Variants in DPF3 observed in about 807,000 individuals in gnomAD.
The protein encoded by DPF3 is double PHD fingers 3.
DPF3 carries 18 observed loss-of-function variants against 56.8 expected under a neutral mutation model. The observed-to-expected ratio is 0.32, with a 90% CI of 0.22 to 0.47. DPF3 has a LOEUF of 0.47. Ranked by LOEUF, DPF3 falls within the 20% of genes least tolerant of loss-of-function variation. The pLI is 1.00. For synonymous variants in DPF3, 188 were observed against 180.2 expected (o/e 1.04, Z -0.35); for missense variants, 403 against 488.8 (o/e 0.82, Z 1.65).
intron 1 of DPF3, among the ~76,000 whole-genome samples, chr14:72,824,522 A>G (rs1883696756): frequency 6.7e-6 from 1 of 149,394 alleles, no homozygotes; most frequent in African/African-American, 2.5e-5. Flanking sequence ...AGTTGCTTGT[A>G]TCTCTTTTTC....
chr14:72,764,192 C>G (rs1353877788), intron 2 of DPF3, among the ~76,000 whole-genome samples: 1 of 152,162 alleles, frequency 6.6e-6, no homozygotes, highest in Non-Finnish European at 1.5e-5. Flanking sequence ...CCTCTGACCT[C>G]CAGGAAGAAA....
chr14:72,829,371 C>G (rs1014231494), intron 1 of DPF3, among the ~76,000 whole-genome samples: 1 of 152,160 alleles, frequency 6.6e-6, no homozygotes, highest in Non-Finnish European at 1.5e-5. Flanking sequence ...TATTTGCCTT[C>G]TTTAATCCCT....
chr14:72,624,815 T>C (rs1884724043), intron 9 of DPF3, among the ~76,000 whole-genome samples: 1 of 152,262 alleles, frequency 6.6e-6, no homozygotes, highest in African/African-American at 2.4e-5. Flanking sequence ...CAATTTCAGT[T>C]GGATCTTTTC....
intron 9 of DPF3, among the ~76,000 whole-genome samples, chr14:72,625,837 G>A (rs1472368345): frequency 6.6e-6 from 1 of 151,922 alleles, no homozygotes; most frequent in Admixed American, 6.6e-5. Context: ...CCTTTATTTG[G>A]TTATTCTTTT....
rs201332544 is a variant in DPF3, at chr14:72,894,044, T to C, written c.32+13A>G. Reference sequence around the variant, plus strand: ...AACCACGCGGAATATGTACATTTTTTAGTCTTACTTACGCTTTCAGGGGGT... The same window carrying C: ...AACCACGCGGAATATGTACATTTTTCAGTCTTACTTACGCTTTCAGGGGGT... On this transcript the variant is annotated intron_variant, in intron 1 of 10. Coordinates refer to ENST00000556509, the MANE Select transcript of DPF3 (RefSeq NM_001280542.3). 686 of 1,610,430 alleles carry C rather than the reference T, an allele frequency of 4.3e-4. 4 individuals carry two copies. Among genetic ancestry groups the C allele is most frequent in the African/African-American group, 1.8e-3 (135 of 74,852 alleles).
intron 7 of DPF3, among the ~76,000 whole-genome samples, chr14:72,674,888 C>A (rs563815510): frequency 3.0e-4 from 46 of 152,368 alleles, no homozygotes. Context: ...AGGAATAACA[C>A]CAAAGATGCT....
intron 2 of DPF3, among the ~76,000 whole-genome samples, chr14:72,771,289 T>A (rs1369811940): frequency 1.3e-5 from 2 of 152,210 alleles, no homozygotes; most frequent in African/African-American, 4.8e-5. Flanking sequence ...CGAAATCTTA[T>A]GTGGTAAGTA....
intron 4 of DPF3, among the ~76,000 whole-genome samples, chr14:72,728,936 C>T (rs147227762): frequency 3.3e-5 from 5 of 152,182 alleles, no homozygotes; most frequent in East Asian, 1.9e-4. Context: ...AAGTACGGCA[C>T]GGTCAGGGAC....
At position 72,617,551 on chromosome 14, in the gene DPF3, A is replaced by G. The variant is rs1276159644; in HGVS notation, c.*1746T>C. Among the ~76,000 whole-genome samples, 1 of 152,160 alleles carries G rather than the reference A, an allele frequency of 6.6e-6. No homozygotes were observed. Among genetic ancestry groups the G allele is most frequent in the Non-Finnish European group, 1.5e-5 (1 of 68,026 alleles). On this transcript the variant is annotated 3_prime_UTR_variant, in exon 11 of 11. Transcript: ENST00000556509. ...GGCCCTTTAAATGAGACCATTATGT[A>G]TGTGTGTGATTCCCTCTGAGGCCAC...
intron 1 of DPF3, among the ~76,000 whole-genome samples, chr14:72,844,530 G>A (rs1443673813): frequency 6.6e-6 from 1 of 152,112 alleles, no homozygotes; most frequent in Non-Finnish European, 1.5e-5. Context: ...AGGTGTTCAG[G>A]TTATTAAAAA....
chr14:72,714,295 G>T, intron 6 of DPF3, 128 bp downstream of exon 6: 2 of 1,175,100 alleles, frequency 1.7e-6, no homozygotes, highest in Non-Finnish European at 2.4e-6. Context: ...AGTAAGCTGG[G>T]GTGCAGACAG....
At chr14:72,756,843 A>AG (rs1301734058) in intron 2 of DPF3, among the ~76,000 whole-genome samples, 5 of 99,192 alleles carry the variant, frequency 5.0e-5, no homozygotes, top group Admixed American at 1.0e-4. Flanking sequence ...AAAGAAAGAA[A>AG]GAAAGAAAGA....
chr14:72,723,738 A>T lies in DPF3; in HGVS notation c.430-10T>A. The T allele has an allele frequency of 6.5e-7, 1 of 1,538,568 alleles. No individual in the cohort carries two copies. The highest frequency in any genetic ancestry group is 8.7e-7 in the Non-Finnish European group (1 of 1,143,916). On this transcript the variant is annotated splice_polypyrimidine_tract_variant and intron_variant, in intron 4 of 10. Coordinates refer to ENST00000556509, the MANE Select transcript of DPF3 (RefSeq NM_001280542.3). ...CATTTTCCAAAACCCTCTGAAATGA[A>T]AAAAAAAAATAGAAAAGGTGAGAAA...
chr14:72,810,612 A>AAAAC (rs61420990), intron 1 of DPF3, among the ~76,000 whole-genome samples: 148,119 of 152,114 alleles, frequency 0.97, 72,155 homozygotes, highest in East Asian at 1. Context: ...AGGGAAAAGA[A>AAAAC]TAACTCTAAG....
At chr14:72,870,367 T>C (rs1885848497) in intron 1 of DPF3, among the ~76,000 whole-genome samples, 1 of 152,208 alleles carries the variant, frequency 6.6e-6, no homozygotes, top group Non-Finnish European at 1.5e-5. Context: ...AGTAGTCTCC[T>C]TCCCCTTAGA....
At chr14:72,862,013 T>G (rs1052941179) in intron 1 of DPF3, among the ~76,000 whole-genome samples, 1 of 152,220 alleles carries the variant, frequency 6.6e-6, no homozygotes, top group African/African-American at 2.4e-5. Context: ...TCAGCCCTAC[T>G]TTTCTGAAAT....
intron 8 of DPF3, among the ~76,000 whole-genome samples, chr14:72,649,930 G>C (rs1389352735): frequency 6.6e-6 from 1 of 152,178 alleles, no homozygotes; most frequent in East Asian, 1.9e-4. Flanking sequence ...ACACCGCTCG[G>C]CCACAGGAAA....
At chr14:72,806,590 CT>C (rs1465405272) in intron 1 of DPF3, among the ~76,000 whole-genome samples, 1 of 152,154 alleles carries the variant, frequency 6.6e-6, no homozygotes, top group Non-Finnish European at 1.5e-5. Context: ...TATCGTAATC[CT>C]TTTTTCCCCA....
chr14:72,859,967 C>CAAA (rs5809595), intron 1 of DPF3, among the ~76,000 whole-genome samples: 1 of 131,874 alleles, frequency 7.6e-6, no homozygotes, highest in Non-Finnish European at 1.6e-5. Context: ...ATTTAACTGA[C>CAAA]AAAAAAAAAA....
Sources: allele counts gnomAD v4.1 joint callset (sites outside exome capture counted in the v4.1 genomes callset), GRCh38; gene constraint gnomAD v4.1.1; transcripts MANE v1.5; gene names NCBI Gene and HGNC (gene_info 2026-07-23, HGNC 2026-07-21).